The following KPNA4 variants were observed in gnomAD, a reference collection of about 807,000 sequenced individuals.
KPNA4 encodes importin subunit alpha-3.
A neutral mutation model predicts 71.3 loss-of-function variants in KPNA4; 13 were observed. The ratio of observed to expected loss-of-function variants is 0.18; its 90% CI spans 0.12 to 0.29. KPNA4 has a LOEUF of 0.29. KPNA4 is among the 10% of genes least tolerant of loss of function. KPNA4 has a pLI of 1.00. For missense variants in KPNA4, 334 were observed against 603.2 expected (o/e 0.55, Z 4.67); for synonymous variants, 189 against 195.2 (o/e 0.97, Z 0.26).
intron 7 of KPNA4, among the ~76,000 whole-genome samples, chr3:160,529,924 T>TCGAGAC (rs1201843507): frequency 6.7e-6 from 1 of 149,020 alleles, no homozygotes; most frequent in Non-Finnish European, 1.5e-5. Context: ...GGTCAGGAGA[T>TCGAGAC]CGAGACCGAG....
At chr3:160,547,432 G>A (rs562894752) in intron 1 of KPNA4, among the ~76,000 whole-genome samples, 9 of 152,228 alleles carry the variant, frequency 5.9e-5, no homozygotes, top group Middle Eastern at 3.4e-3. Flanking sequence ...TTTTCAAGCA[G>A]TTTTAGGTTT....
At chr3:160,505,109 T>G (rs1310285906) in intron 15 of KPNA4, 57 bp from the exon 16 acceptor site, 1 of 886,822 alleles carries the variant, frequency 1.1e-6, no homozygotes, top group Non-Finnish European at 1.6e-6. Context: ...AGTGACAAGT[T>G]AGAATAATCT....
chr3:160,518,259 C>T (rs1191830676), intron 11 of KPNA4, among the ~76,000 whole-genome samples: 1 of 151,656 alleles, frequency 6.6e-6, no homozygotes, highest in Non-Finnish European at 1.5e-5. Context: ...TCCCGAGTAG[C>T]TGAGTAGCTG....
intron 1 of KPNA4, among the ~76,000 whole-genome samples, chr3:160,562,916 T>C (rs1040529900): frequency 1.3e-5 from 2 of 152,138 alleles, no homozygotes; most frequent in African/African-American, 2.4e-5. Flanking sequence ...CCAAAAGATA[T>C]GAGGTAGGAG....
At chr3:160,540,125 G>A (rs1190185833) in intron 1 of KPNA4, among the ~76,000 whole-genome samples, 1 of 150,212 alleles carries the variant, frequency 6.7e-6, no homozygotes, top group Non-Finnish European at 1.5e-5. Context: ...TCAGCCTCCT[G>A]AGTAGCTGGG....
intron 11 of KPNA4, among the ~76,000 whole-genome samples, chr3:160,519,335 G>A (rs936604539): frequency 6.6e-6 from 1 of 152,186 alleles, no homozygotes; most frequent in Non-Finnish European, 1.5e-5. Flanking sequence ...TGCACAGTAA[G>A]AGGCTTAAAA....
At chr3:160,537,321 G>A (rs1024447033) in intron 1 of KPNA4, among the ~76,000 whole-genome samples, 6 of 150,894 alleles carry the variant, frequency 4.0e-5, no homozygotes, top group African/African-American at 7.3e-5. Context: ...ATTCTGACAC[G>A]TCTATCTATC....
chr3:160,525,889 A>AAT (rs746142585), intron 9 of KPNA4, 45 bp from the exon 10 acceptor site: 10 of 1,518,844 alleles, frequency 6.6e-6, no homozygotes, highest in Middle Eastern at 2.4e-4. Context: ...ACAAATAAAA[A>AAT]ATATATATAT....
Position 160,497,170 on chromosome 3 carries a change from T to A in KPNA4, c.*4934A>T, listed in dbSNP as rs1439101301. 2 of 152,234 alleles carry A rather than the reference T, an allele frequency of 1.3e-5. No individual in the cohort carries two copies. The highest frequency in any genetic ancestry group is 1.3e-4 in the Admixed American group (2 of 15,272). The allele number at this position is 152,234 out of a possible 1,614,324, so 9.4% of individuals were successfully genotyped here. ...TGGCTCACGCCTGTAATCCCAGCAC[T>A]TTGGGAAGCCGAGGTGGGCAGATCA... On this transcript the variant is annotated 3_prime_UTR_variant, in exon 17 of 17. Transcript: ENST00000334256.
intron 1 of KPNA4, among the ~76,000 whole-genome samples, chr3:160,564,936 C>T (rs544427342): frequency 1.4e-5 from 2 of 146,694 alleles, no homozygotes; most frequent in East Asian, 2.0e-4. Flanking sequence ...CTCCCCGCCG[C>T]GCGGCCCGGC....
chr3:160,531,422 C>G (rs925365740), intron 6 of KPNA4, 40 bp downstream of exon 6: 9 of 1,010,232 alleles, frequency 8.9e-6, no homozygotes, highest in Non-Finnish European at 1.1e-5. Context: ...CCAAAGGATA[C>G]ATTCTAAATT....
intron 1 of KPNA4, among the ~76,000 whole-genome samples, chr3:160,564,042 G>A (rs1399589743): frequency 2.0e-5 from 3 of 152,054 alleles, no homozygotes; most frequent in Admixed American, 6.5e-5. Context: ...TTATGAAAAC[G>A]TACCGAGAAC....
chr3:160,546,932 C>T (rs943631160), intron 1 of KPNA4, among the ~76,000 whole-genome samples: 4 of 152,172 alleles, frequency 2.6e-5, no homozygotes, highest in South Asian at 2.1e-4. Context: ...ACTCACTCTC[C>T]GGCCCTTCTT....
chr3:160,526,471 G>A (rs1721462930), intron 8 of KPNA4, among the ~76,000 whole-genome samples: 1 of 152,182 alleles, frequency 6.6e-6, no homozygotes, highest in African/African-American at 2.4e-5. Flanking sequence ...AGAGCATCAA[G>A]GTTATGAACT....
intron 13 of KPNA4, among the ~76,000 whole-genome samples, chr3:160,511,978 A>G (rs531677083): frequency 3.3e-5 from 5 of 152,264 alleles, no homozygotes; most frequent in African/African-American, 9.6e-5. Context: ...TAAATATCCA[A>G]TAATATTTAA....
chr3:160,544,085 T>G (rs1721858644), intron 1 of KPNA4, among the ~76,000 whole-genome samples: 1 of 152,148 alleles, frequency 6.6e-6, no homozygotes, highest in South Asian at 2.1e-4. Flanking sequence ...CCTGAACTCC[T>G]GACCTCAGGT....
chr3:160,523,326 G>A (rs1220725341), intron 10 of KPNA4, among the ~76,000 whole-genome samples: 4 of 151,490 alleles, frequency 2.6e-5, no homozygotes, highest in East Asian at 1.9e-4. Context: ...GAAACAATTC[G>A]GCATTGTTTA....
intron 14 of KPNA4, 67 bp from the exon 15 acceptor site, chr3:160,508,336 G>T: frequency 8.6e-7 from 1 of 1,163,238 alleles, no homozygotes; most frequent in Non-Finnish European, 1.2e-6. Context: ...TTATCTCACT[G>T]GAATAATTCT....
At chr3:160,538,430 G>A (rs936677890) in intron 1 of KPNA4, among the ~76,000 whole-genome samples, 2 of 152,088 alleles carry the variant, frequency 1.3e-5, no homozygotes, top group African/African-American at 4.8e-5. Flanking sequence ...TACATTGAGT[G>A]AAGGAAACAC....
Sources: gnomAD v4.1 joint callset for allele counts (sites outside exome capture counted in the v4.1 genomes callset) on GRCh38, gnomAD v4.1.1 for gene constraint, MANE v1.5 for transcripts, NCBI Gene and HGNC (gene_info 2026-07-23, HGNC 2026-07-21) for gene names.